The following XKR4 variants were observed in gnomAD, a reference collection of about 807,000 sequenced individuals.
XKR4 encodes XK related 4, also known as XK-related protein 4.
Under a neutral mutation model 53.9 loss-of-function variants are expected in XKR4, and 12 were observed. The observed-to-expected ratio is 0.22, with a 90% confidence interval of 0.14 to 0.36. XKR4 has a LOEUF of 0.36. XKR4 is among the 10% of genes least tolerant of loss of function. XKR4 has a pLI of 1.00. For synonymous variants in XKR4, 354 were observed against 362.4 expected (o/e 0.98, Z 0.26); for missense variants, 799 against 859.5 (o/e 0.93, Z 0.88).
chr8:55,380,293 G>A lies in XKR4; in HGVS notation c.1006+22416G>A, dbSNP rs939129443. Reference sequence around the variant, plus strand: ...ATCCTGGGAAAAAAATCAGAAGACCGAAGTCAACAGGAAGCAAATCTGAAA... The same window carrying A: ...ATCCTGGGAAAAAAATCAGAAGACCAAAGTCAACAGGAAGCAAATCTGAAA... On this transcript the variant is annotated intron_variant, in intron 2 of 2. Coordinates refer to ENST00000327381, the MANE Select transcript of XKR4 (RefSeq NM_052898.2). Among the ~76,000 whole-genome samples the A allele has an allele frequency of 8.5e-5, 13 of 152,214 alleles. 1 individual carries two copies. Among genetic ancestry groups the A allele is most frequent in the Admixed American group, 4.6e-4 (7 of 15,278 alleles).
chr8:55,308,961 T>C (rs1384738895), intron 1 of XKR4, among the ~76,000 whole-genome samples: 2 of 152,180 alleles, frequency 1.3e-5, no homozygotes, highest in Non-Finnish European at 2.9e-5. Flanking sequence ...GGTTGGAATG[T>C]TGCAAGTTCA....
chr8:55,124,775 A>G (rs1362258728), intron 1 of XKR4, among the ~76,000 whole-genome samples: 1 of 152,164 alleles, frequency 6.6e-6, no homozygotes, highest in Non-Finnish European at 1.5e-5. Flanking sequence ...GAGCAGTGGC[A>G]TAATCATAGC....
At chr8:55,508,793 C>T (rs994271489) in intron 2 of XKR4, among the ~76,000 whole-genome samples, 2 of 152,212 alleles carry the variant, frequency 1.3e-5, no homozygotes, top group African/African-American at 4.8e-5. Context: ...AAGAACACAA[C>T]AGTGTGAAAA....
At chr8:55,289,078 G>A (rs920346003) in intron 1 of XKR4, among the ~76,000 whole-genome samples, 53 of 152,212 alleles carry the variant, frequency 3.5e-4, no homozygotes, top group African/African-American at 1.2e-3. Flanking sequence ...AGACACAAGG[G>A]TAGTTTCCAG....
chr8:55,400,345 G>GAAA (rs1452592754), intron 2 of XKR4, among the ~76,000 whole-genome samples: 1 of 152,154 alleles, frequency 6.6e-6, no homozygotes, highest in Non-Finnish European at 1.5e-5. Context: ...GAGAAATGCT[G>GAAA]AAAAATGTCT....
At chr8:55,307,766 A>G (rs556077788) in intron 1 of XKR4, among the ~76,000 whole-genome samples, 1 of 152,340 alleles carries the variant, frequency 6.6e-6, no homozygotes, top group South Asian at 2.1e-4. Flanking sequence ...ACATACACCT[A>G]TCAAAATGGC....
chr8:55,303,753 C>A (rs201635868), intron 1 of XKR4, among the ~76,000 whole-genome samples: 31 of 152,272 alleles, frequency 2.0e-4, no homozygotes, highest in African/African-American at 7.2e-4. Context: ...GGAATTTATC[C>A]ATTTCTTCTA....
At chr8:55,435,486 C>A (rs1805160793) in intron 2 of XKR4, among the ~76,000 whole-genome samples, 1 of 151,866 alleles carries the variant, frequency 6.6e-6, no homozygotes, top group Admixed American at 6.6e-5. Flanking sequence ...GCCAATTTCA[C>A]CCTTTTTATA....
At chr8:55,141,111 T>A (rs945449087) in intron 1 of XKR4, among the ~76,000 whole-genome samples, 1 of 152,122 alleles carries the variant, frequency 6.6e-6, no homozygotes, top group Non-Finnish European at 1.5e-5. Flanking sequence ...CCATTAGCAA[T>A]CAGTCCCCAT....
rs565401835 is a variant in XKR4, at chr8:55,122,924, C to T, written c.806+19630C>T. On this transcript the variant is annotated intron_variant, in intron 1 of 2. Transcript: ENST00000327381. ...AGTGAACTGGAAGGATGGGTGAAGA[C>T]GGAATGGCAGGGTGTGGATTGAGCT... 5.0e-4 allele frequency among the ~76,000 whole-genome samples: 76 copies of T among 152,176 alleles called. No individual in the cohort carries two copies. In the South Asian group the frequency reaches 6.6e-3, roughly 13 times the overall value.
At chr8:55,193,831 G>C (rs1436629199) in intron 1 of XKR4, among the ~76,000 whole-genome samples, 1 of 152,220 alleles carries the variant, frequency 6.6e-6, no homozygotes, top group Non-Finnish European at 1.5e-5. Context: ...GGAGCTCTGG[G>C]TATGAGATGG....
At chr8:55,341,143 G>A (rs997398573) in intron 1 of XKR4, among the ~76,000 whole-genome samples, 1 of 152,136 alleles carries the variant, frequency 6.6e-6, no homozygotes, top group Non-Finnish European at 1.5e-5. Context: ...TTTATTTAAA[G>A]GTGGTCCCAG....
intron 1 of XKR4, among the ~76,000 whole-genome samples, chr8:55,260,673 A>G (rs1376475003): frequency 1.3e-5 from 2 of 152,110 alleles, no homozygotes. Flanking sequence ...GTGGTGTCTG[A>G]TTTACACAGG....
intron 2 of XKR4, among the ~76,000 whole-genome samples, chr8:55,458,422 T>G (rs964077654): frequency 1.2e-4 from 19 of 152,180 alleles, no homozygotes; most frequent in Non-Finnish European, 2.2e-4. Context: ...CCATGACCCC[T>G]GGAGTTACAG....
At chr8:55,422,638 G>A (rs1268479459) in intron 2 of XKR4, among the ~76,000 whole-genome samples, 1 of 152,216 alleles carries the variant, frequency 6.6e-6, no homozygotes, top group African/African-American at 2.4e-5. Flanking sequence ...CTGGAATCAC[G>A]TGAAAGGTGG....
At chr8:55,109,960 T>C (rs1816210112) in intron 1 of XKR4, among the ~76,000 whole-genome samples, 1 of 152,190 alleles carries the variant, frequency 6.6e-6, no homozygotes, top group South Asian at 2.1e-4. Flanking sequence ...AGTAACACAA[T>C]CACTGTCTAA....
intron 1 of XKR4, among the ~76,000 whole-genome samples, chr8:55,291,958 T>C (rs1819028198): frequency 6.6e-6 from 1 of 152,168 alleles, no homozygotes; most frequent in Non-Finnish European, 1.5e-5. Flanking sequence ...TGATTCTTCC[T>C]TCATGGCCTA....
At chr8:55,454,373 G>A (rs1805519636) in intron 2 of XKR4, 1 of 1,502,492 alleles carries the variant, frequency 6.7e-7, no homozygotes, top group South Asian at 1.1e-5. Context: ...GGGCACATAG[G>A]TGAAGCTGTA....
intron 1 of XKR4, among the ~76,000 whole-genome samples, chr8:55,344,105 A>G (rs1168573433): frequency 6.6e-6 from 1 of 152,108 alleles, no homozygotes; most frequent in Non-Finnish European, 1.5e-5. Context: ...GCCACCAGAA[A>G]CACACAACAC....
Sources: allele counts gnomAD v4.1 joint callset (sites outside exome capture counted in the v4.1 genomes callset), GRCh38; gene constraint gnomAD v4.1.1; transcripts MANE v1.5; gene names NCBI Gene and HGNC (gene_info 2026-07-23, HGNC 2026-07-21).